DPH6: variants seen among roughly 807,000 people sequenced by gnomAD.
DPH6 encodes diphthamine biosynthesis 6, also known as diphthine--ammonia ligase.
DPH6 carries 33 observed loss-of-function variants against 38.2 expected under a neutral mutation model. The ratio of observed to expected loss-of-function variants is 0.86; its 90% CI spans 0.65 to 1.15. DPH6 has a LOEUF of 1.15. Among genes scored for constraint, DPH6 ranks in the 50% most tolerant of loss-of-function variants. DPH6 has a pLI of 0.00. For synonymous variants in DPH6, 108 were observed against 103.0 expected (o/e 1.05, Z -0.30); for missense variants, 325 against 320.0 (o/e 1.02, Z -0.12).
chr15:35,456,071 G>A (rs779843307), intron 3 of DPH6, among the ~76,000 whole-genome samples: 29 of 152,036 alleles, frequency 1.9e-4, no homozygotes, highest in Non-Finnish European at 4.0e-4. Context: ...AAAATAAAAC[G>A]ATTATTTTTA....
intron 3 of DPH6, among the ~76,000 whole-genome samples, chr15:35,253,375 T>C (rs900413087): frequency 1.3e-5 from 2 of 152,324 alleles, no homozygotes; most frequent in South Asian, 4.1e-4. Flanking sequence ...TATATTCTGG[T>C]GCACAGGAAC....
chr15:35,389,784 A>G (rs940817355), intron 6 of DPH6, among the ~76,000 whole-genome samples: 1 of 151,858 alleles, frequency 6.6e-6, no homozygotes, highest in Non-Finnish European at 1.5e-5. Flanking sequence ...ATGGGTCTTG[A>G]CTCTTTATCC....
chr15:35,171,696 A>C, the DPH6 span, among the ~76,000 whole-genome samples: 2 of 151,954 alleles, frequency 1.3e-5, no homozygotes, highest in Non-Finnish European at 2.9e-5. Flanking sequence ...GGGGAACAGA[A>C]GTGCTGCAGA....
chr15:35,147,225 A>G, the DPH6 span, among the ~76,000 whole-genome samples: 1 of 152,192 alleles, frequency 6.6e-6, no homozygotes, highest in Non-Finnish European at 1.5e-5. Flanking sequence ...CAGGGAGGTT[A>G]TAGAAATTGC....
chr15:35,220,971 CAATT>C (rs1170802011), intron 3 of DPH6, among the ~76,000 whole-genome samples: 2 of 152,308 alleles, frequency 1.3e-5, no homozygotes, highest in Admixed American at 1.3e-4. Context: ...ATTAAAGGCA[CAATT>C]CATCATAAGG....
At chr15:35,173,053 G>C in the DPH6 span, among the ~76,000 whole-genome samples, 12 of 152,192 alleles carry the variant, frequency 7.9e-5, no homozygotes, top group Admixed American at 6.5e-4. Flanking sequence ...TAAGTGCTAT[G>C]ATAGGTATTT....
At chr15:35,479,755 ACTCT>A (rs1566925409) in intron 3 of DPH6, among the ~76,000 whole-genome samples, 2 of 151,784 alleles carry the variant, frequency 1.3e-5, no homozygotes, top group African/African-American at 2.4e-5. Flanking sequence ...TGATCACTAC[ACTCT>A]CTCTCTTAAC....
At chr15:35,455,447 T>C (rs527925915) in intron 3 of DPH6, among the ~76,000 whole-genome samples, 1 of 152,158 alleles carries the variant, frequency 6.6e-6, no homozygotes, top group African/African-American at 2.4e-5. Flanking sequence ...ACAACTATCC[T>C]GTCTAGCATA....
At chr15:35,166,727 G>A in the DPH6 span, among the ~76,000 whole-genome samples, 3 of 152,028 alleles carry the variant, frequency 2.0e-5, no homozygotes, top group East Asian at 5.8e-4. Context: ...TAATTGTAAT[G>A]TTTAGGATTA....
chr15:35,254,516 A>T (rs1313917410), intron 3 of DPH6, among the ~76,000 whole-genome samples: 2 of 152,240 alleles, frequency 1.3e-5, no homozygotes, highest in Admixed American at 6.5e-5. Context: ...AATACAAAAA[A>T]AAGTTTCATC....
intron 5 of DPH6, among the ~76,000 whole-genome samples, chr15:35,438,139 T>C (rs1028564293): frequency 3.3e-5 from 5 of 152,274 alleles, no homozygotes; most frequent in Non-Finnish European, 5.9e-5. Flanking sequence ...AAGACCTTTA[T>C]ATTTTTCTCT....
chr15:35,435,994 A>G (rs2053694963), intron 5 of DPH6, among the ~76,000 whole-genome samples: 1 of 151,748 alleles, frequency 6.6e-6, no homozygotes, highest in Non-Finnish European at 1.5e-5. Flanking sequence ...TATAGCAGTC[A>G]TCCACCTCCA....
intron 3 of DPH6, among the ~76,000 whole-genome samples, chr15:35,460,545 T>C (rs1243877965): frequency 6.6e-6 from 1 of 152,148 alleles, no homozygotes. Flanking sequence ...TCTCAGGAAA[T>C]AAAGTCAGCA....
intron 3 of DPH6, among the ~76,000 whole-genome samples, chr15:35,476,376 T>C (rs2054263937): frequency 1.3e-5 from 2 of 151,826 alleles, no homozygotes; most frequent in African/African-American, 4.8e-5. Flanking sequence ...AAGGTTCAGT[T>C]TGACTCCATC....
At chr15:35,223,491 C>G (rs1345604490) in intron 3 of DPH6, among the ~76,000 whole-genome samples, 1 of 152,084 alleles carries the variant, frequency 6.6e-6, no homozygotes, top group Non-Finnish European at 1.5e-5. Flanking sequence ...TGGAGACCAC[C>G]CTGGCTAAGA....
At chr15:35,325,491 A>G (rs1476005179) in intron 3 of DPH6, among the ~76,000 whole-genome samples, 1 of 152,146 alleles carries the variant, frequency 6.6e-6, no homozygotes, top group Non-Finnish European at 1.5e-5. Context: ...TATCCTTTAC[A>G]TCCACAGTGC....
chr15:35,329,669 C>T (rs985234422), downstream of DPH6, among the ~76,000 whole-genome samples: 1 of 152,068 alleles, frequency 6.6e-6, no homozygotes, highest in Non-Finnish European at 1.5e-5. Flanking sequence ...TCTGTTCTTG[C>T]TAAAATTTGG....
chr15:35,237,040 G>C, intron 3 of DPH6: 1 of 424,214 alleles, frequency 2.4e-6, no homozygotes, highest in East Asian at 4.6e-5. Flanking sequence ...TGTACATCAT[G>C]ACTGTTTTTC....
chr15:35,450,315 G>A (rs1046208962), intron 5 of DPH6, among the ~76,000 whole-genome samples: 2 of 151,332 alleles, frequency 1.3e-5, no homozygotes, highest in Non-Finnish European at 2.9e-5. Flanking sequence ...ATTATAAAAA[G>A]CTTCCAAAAA....
Sources: gnomAD v4.1 joint callset for allele counts (sites outside exome capture counted in the v4.1 genomes callset) on GRCh38, gnomAD v4.1.1 for gene constraint, MANE v1.5 for transcripts, NCBI Gene and HGNC (gene_info 2026-07-23, HGNC 2026-07-21) for gene names.